ARHGEF12: variants seen among roughly 807,000 people sequenced by gnomAD.
The protein encoded by ARHGEF12 is KMT2A/ARHGEF12 fusion protein.
ARHGEF12 carries 66 observed loss-of-function variants against 211.2 expected under a neutral mutation model. The ratio of observed to expected loss-of-function variants is 0.31; its 90% CI spans 0.26 to 0.38. ARHGEF12 has a LOEUF of 0.38. ARHGEF12 is among the 10% of genes least tolerant of loss of function. The pLI is 1.00. For synonymous variants in ARHGEF12, 592 were observed against 638.4 expected (o/e 0.93, Z 1.09); for missense variants, 1,429 against 1,869.5 (o/e 0.76, Z 4.34).
chr11:120,349,459 G>A (rs1013900946), intron 1 of ARHGEF12, among the ~76,000 whole-genome samples: 1 of 152,018 alleles, frequency 6.6e-6, no homozygotes, highest in African/African-American at 2.4e-5. Flanking sequence ...GTATGTGTGT[G>A]TATGTATTTA....
At chr11:120,366,750 C>T (rs1341345624) in intron 1 of ARHGEF12, among the ~76,000 whole-genome samples, 7 of 152,224 alleles carry the variant, frequency 4.6e-5, no homozygotes, top group African/African-American at 9.6e-5. Context: ...TGAGGTGGCT[C>T]ACGCCTGTAA....
Position 120,485,075 on chromosome 11 carries a change from T to TA in ARHGEF12, c.4634dup (p.Ter1545=). ...ALTDKHSDKS[*] ...ATCTTTATTCTTCTCAGATAAAAGT[T>TA]AGAGCCGCATGTCCTGGAGGTGACT... is the stretch of plus-strand genomic sequence containing the variant. Residue 1545 remains the stop codon, a frameshift_variant and stop_retained_variant, in exon 41 of 41, where the codon TAG becomes TAAG. Coordinates refer to ENST00000397843, the MANE Select transcript of ARHGEF12 (RefSeq NM_015313.3). LOFTEE classifies it high-confidence loss of function. 6 of 1,613,718 alleles carry TA rather than the reference T, an allele frequency of 3.7e-6. No homozygotes were observed. The highest frequency in any genetic ancestry group is 5.1e-6 in the Non-Finnish European group (6 of 1,179,800).
At chr11:120,479,817 AAATT>A (rs1343431517) in intron 37 of ARHGEF12, 139 bp from the exon 38 acceptor site, 2 of 676,066 alleles carry the variant, frequency 3.0e-6, no homozygotes, top group African/African-American at 3.6e-5. Context: ...TGATTGTATG[AAATT>A]AATAATTAAC....
intron 1 of ARHGEF12, among the ~76,000 whole-genome samples, chr11:120,371,478 C>A (rs941439712): frequency 2.0e-5 from 3 of 152,102 alleles, no homozygotes; most frequent in African/African-American, 4.8e-5. Flanking sequence ...CAAGAGCGAA[C>A]CTCCGTCTCA....
At chr11:120,381,279 T>A (rs890726837) in intron 1 of ARHGEF12, among the ~76,000 whole-genome samples, 1 of 152,232 alleles carries the variant, frequency 6.6e-6, no homozygotes, top group South Asian at 2.1e-4. Flanking sequence ...TATTGATGTC[T>A]CTGATTATAA....
At chr11:120,377,579 G>A (rs1943763135) in intron 1 of ARHGEF12, among the ~76,000 whole-genome samples, 1 of 152,086 alleles carries the variant, frequency 6.6e-6, no homozygotes, top group South Asian at 2.1e-4. Context: ...CTGGGCTCAA[G>A]TGCCCTGACC....
chr11:120,349,945 G>A (rs1266564518), intron 1 of ARHGEF12, among the ~76,000 whole-genome samples: 4 of 152,200 alleles, frequency 2.6e-5, no homozygotes, highest in Non-Finnish European at 2.9e-5. Context: ...AGATTTAAGA[G>A]TTATTTCAAT....
At chr11:120,402,177 C>T (rs1025555031) in intron 1 of ARHGEF12, among the ~76,000 whole-genome samples, 1 of 152,094 alleles carries the variant, frequency 6.6e-6, no homozygotes, top group Non-Finnish European at 1.5e-5. Context: ...GAGTCTTTTG[C>T]CCCCAAGGCC....
chr11:120,477,105 G>A (rs906069734), intron 34 of ARHGEF12, 114 bp from the exon 35 acceptor site: 2 of 708,808 alleles, frequency 2.8e-6, no homozygotes, highest in South Asian at 3.6e-5. Flanking sequence ...TGTTGTTGTT[G>A]TTGTTGTTGT....
At position 120,485,293 on chromosome 11, in the gene ARHGEF12, C is replaced by T. The variant is rs963663940; in HGVS notation, c.*216C>T. The T allele has an allele frequency of 2.0e-6, 1 of 512,208 alleles. No individual in the cohort carries two copies. The highest frequency in any genetic ancestry group is 3.5e-6 in the Non-Finnish European group (1 of 285,090). 31.7% of individuals were successfully genotyped at this position (512,208 alleles called of 1,614,324 possible). ...CTGTTTGTGAGGGAATATCCATTCCCTCACTCTACTCTCCTCACTATCGGA... is the reference window on the plus strand; with the variant it reads ...CTGTTTGTGAGGGAATATCCATTCCTTCACTCTACTCTCCTCACTATCGGA... On this transcript the variant is annotated 3_prime_UTR_variant, in exon 41 of 41. Transcript: ENST00000397843.
intron 11 of ARHGEF12, among the ~76,000 whole-genome samples, chr11:120,432,388 A>G (rs1945575459): frequency 6.6e-6 from 1 of 152,240 alleles, no homozygotes; most frequent in Non-Finnish European, 1.5e-5. Flanking sequence ...TGATTAACCC[A>G]GAAACTGCCA....
At position 120,458,108 on chromosome 11, in the gene ARHGEF12, C is replaced by A; in HGVS notation, c.2254C>A (p.Gln752Lys). The A allele has an allele frequency of 6.2e-7, 1 of 1,607,976 alleles. No individual in the cohort carries two copies. Among genetic ancestry groups the A allele is most frequent in the Non-Finnish European group, 8.5e-7 (1 of 1,178,720 alleles). ...KFDSVAFGES[Q>K]SEDEQFENDL... is the part of the protein sequence containing the mutation. ...TGACAGTGTAGCTTTTGGAGAAAGT[C>A]AAAGTGAGGATGAACAATTTGAAAA... Residue 752 changes from glutamine (Q) to lysine (K), a missense_variant, in exon 25 of 41, where the codon CAA becomes AAA. Transcript: ENST00000397843.
At chr11:120,346,320 T>C (rs907492477) in intron 1 of ARHGEF12, among the ~76,000 whole-genome samples, 1 of 152,258 alleles carries the variant, frequency 6.6e-6, no homozygotes, top group East Asian at 1.9e-4. Context: ...CAGCATTGCT[T>C]CACGTTTCTT....
chr11:120,451,857 C>A (rs962773840), intron 22 of ARHGEF12, 133 bp downstream of exon 22: 2 of 815,510 alleles, frequency 2.5e-6, no homozygotes, highest in Admixed American at 2.9e-5. Flanking sequence ...TAATATGCTA[C>A]AACCAATAAG....
chr11:120,356,536 A>G (rs567786361), intron 1 of ARHGEF12, among the ~76,000 whole-genome samples: 1 of 152,088 alleles, frequency 6.6e-6, no homozygotes, highest in East Asian at 1.9e-4. Context: ...ATCTTTTTGC[A>G]TGTACACTTT....
intron 6 of ARHGEF12, among the ~76,000 whole-genome samples, chr11:120,424,120 A>G (rs552862818): frequency 5.9e-5 from 9 of 152,298 alleles, no homozygotes; most frequent in African/African-American, 9.6e-5. Flanking sequence ...GTCATGGTGA[A>G]TAAGTTGTAC....
rs1945549611 is a variant in ARHGEF12 at position 120,431,854 on chromosome 11, G to A, written c.867G>A (p.Leu289=). 3 of 1,613,852 alleles carry A rather than the reference G, an allele frequency of 1.9e-6. No homozygotes were observed. The highest frequency in any genetic ancestry group is 2.5e-6 in the Non-Finnish European group (3 of 1,179,910). ...SEAETDPGDV[L]GRTDCSSGDA... Reference sequence around the variant, plus strand: ...CAGAAACAGATCCTGGAGATGTACTGGGCAGGACTGACTGTAGCAGTGGAG... The same window carrying A: ...CAGAAACAGATCCTGGAGATGTACTAGGCAGGACTGACTGTAGCAGTGGAG... The change falls in exon 11 of 41, where the codon CTG becomes CTA. Residue 289 remains leucine (L), a synonymous_variant. Coordinates refer to ENST00000397843, the MANE Select transcript of ARHGEF12 (RefSeq NM_015313.3).
Position 120,475,471 on chromosome 11 carries a change from A to C in ARHGEF12, c.3241A>C (p.Lys1081Gln), listed in dbSNP as rs1450523170. Residue 1081 changes from lysine (K) to glutamine (Q), a missense_variant, in exon 33 of 41, where the codon AAG becomes CAG. Around this residue, in one of 7 missense-constraint regions of ARHGEF12, gnomAD observed 223 missense variants for 444.6 expected, o/e 0.50. Coordinates refer to ENST00000397843, the MANE Select transcript of ARHGEF12 (RefSeq NM_015313.3). ...CAAACACACGTTTAGCCCTGTCATT[A>C]AGTTGAGTACAGTGTTGGTTCGACA... ...DSKHTFSPVI[K>Q]LSTVLVRQVA... 2 of 1,614,202 alleles carry C rather than the reference A, an allele frequency of 1.2e-6. No homozygotes were observed. The highest frequency in any genetic ancestry group is 1.7e-5 in the Admixed American group (1 of 60,018).
At chr11:120,479,935 T>TC in intron 37 of ARHGEF12, 25 bp from the exon 38 acceptor site, 1 of 1,586,868 alleles carries the variant, frequency 6.3e-7, no homozygotes, top group Non-Finnish European at 8.6e-7. Context: ...ATGTTTTTTT[T>TC]CCCCCTCCTT....
Sources: gnomAD v4.1 joint callset for allele counts (sites outside exome capture counted in the v4.1 genomes callset) on GRCh38, gnomAD v4.1.1 for gene constraint, gnomAD v4.1.1 regional missense constraint, MANE v1.5 for transcripts, NCBI Gene and HGNC (gene_info 2026-07-23, HGNC 2026-07-21) for gene names.